The following ARHGAP35 variants were observed in gnomAD, a reference collection of about 807,000 sequenced individuals.
The protein encoded by ARHGAP35 is rho GTPase-activating protein 35.
A neutral mutation model predicts 111.1 loss-of-function variants in ARHGAP35; 15 were observed. The ratio of observed to expected loss-of-function variants is 0.13; its 90% CI spans 0.09 to 0.21. The LOEUF is 0.21. ARHGAP35 is among the 10% of genes least tolerant of loss of function. The probability of loss-of-function intolerance (pLI) is 1.00; values close to 1 mark genes in which losing one functional copy is unlikely to be tolerated. For missense variants in ARHGAP35, 1,262 were observed against 1,873.0 expected (o/e 0.67, Z 6.02); for synonymous variants, 643 against 710.3 (o/e 0.91, Z 1.51).
At chr19:46,862,504 CG>C (rs1015309723) in intron 1 of ARHGAP35, among the ~76,000 whole-genome samples, 12 of 152,074 alleles carry the variant, frequency 7.9e-5, no homozygotes, top group African/African-American at 2.9e-4. Context: ...TGATACCTCC[CG>C]GGCTGGTCAC....
chr19:46,942,174 G>A (rs370836028), intron 3 of ARHGAP35, among the ~76,000 whole-genome samples: 2 of 152,294 alleles, frequency 1.3e-5, no homozygotes, highest in African/African-American at 4.8e-5. Context: ...ACTGTGAAGA[G>A]GAACTCAAAG....
Position 46,888,810 on chromosome 19 carries a change from G to A in ARHGAP35, c.-189+27601G>A, listed in dbSNP as rs376373492. ...AGATCGAGACCATCCTGGCTAACAC[G>A]GTGAAACTCTGTCTCTACTAAAAAT... On this transcript the variant is annotated intron_variant, in intron 1 of 6. Transcript: ENST00000672722. Among the ~76,000 whole-genome samples the A allele has an allele frequency of 9.0e-5, 13 of 144,826 alleles. No homozygotes were observed. The East Asian group carries it at 1.2e-3, about 14-fold the overall frequency.
At chr19:46,874,810 CTTTTT>C (rs537873271) in intron 1 of ARHGAP35, among the ~76,000 whole-genome samples, 2 of 88,204 alleles carry the variant, frequency 2.3e-5, no homozygotes. Context: ...CAGTTTTGTC[CTTTTT>C]TTTTTTTTTT....
chr19:46,996,124 G>A (rs186249211), intron 5 of ARHGAP35, among the ~76,000 whole-genome samples: 30 of 152,194 alleles, frequency 2.0e-4, no homozygotes, highest in Non-Finnish European at 3.7e-4. Flanking sequence ...TTCTTTTTGA[G>A]ATGGAGTCTT....
chr19:46,996,547 G>A (rs541806663), intron 5 of ARHGAP35, among the ~76,000 whole-genome samples: 26 of 145,422 alleles, frequency 1.8e-4, no homozygotes, highest in African/African-American at 6.3e-4. Context: ...TGCCAGCCCC[G>A]TTTCCTGCCT....
chr19:46,979,255 C>T (rs1362413884), intron 3 of ARHGAP35, among the ~76,000 whole-genome samples: 1 of 152,080 alleles, frequency 6.6e-6, no homozygotes, highest in East Asian at 1.9e-4. Flanking sequence ...ACTGGGCCTG[C>T]GTGGGCATGC....
At chr19:46,981,289 A>C (rs1352808739) in intron 3 of ARHGAP35, among the ~76,000 whole-genome samples, 1 of 152,276 alleles carries the variant, frequency 6.6e-6, no homozygotes, top group Non-Finnish European at 1.5e-5. Flanking sequence ...AAAAGTCGAC[A>C]AAAGTTGTTA....
At chr19:46,941,580 AAGAG>A (rs1020136913) in intron 3 of ARHGAP35, among the ~76,000 whole-genome samples, 1 of 148,636 alleles carries the variant, frequency 6.7e-6, no homozygotes, top group Non-Finnish European at 1.5e-5. Flanking sequence ...TAAAAAACAA[AAGAG>A]AGAGAGAAAG....
At chr19:46,967,353 TC>T (rs1004377808) in intron 3 of ARHGAP35, among the ~76,000 whole-genome samples, 3 of 152,190 alleles carry the variant, frequency 2.0e-5, no homozygotes, top group African/African-American at 7.2e-5. Flanking sequence ...CAACAGCATG[TC>T]CTCCATGGGG....
In ARHGAP35 at chr19:46,988,238, C is replaced by G. The variant is rs1048166288; in HGVS notation, c.3904+172C>G. ...TGTGGCTGCAGCGGGGAGGAGGGGACCGGGTCCTGTCAGTGAACCGAAGCA... is the reference window on the plus strand; with the variant it reads ...TGTGGCTGCAGCGGGGAGGAGGGGAGCGGGTCCTGTCAGTGAACCGAAGCA... On this transcript the variant is annotated intron_variant, in intron 4 of 6. Coordinates refer to ENST00000672722, the MANE Select transcript of ARHGAP35 (RefSeq NM_004491.5). The surrounding 1 kb of genome is among the most constrained non-coding windows in gnomAD (Gnocchi z 5.4). The G allele has an allele frequency of 1.6e-6, 1 of 634,972 alleles. No homozygotes were observed. Among genetic ancestry groups the G allele is most frequent in the African/African-American group, 1.8e-5 (1 of 55,000 alleles). The allele number at this position is 634,972 out of a possible 1,614,324, so 39.3% of individuals were successfully genotyped here.
In ARHGAP35 at chr19:47,001,032, C is replaced by T. The variant is rs541220640; in HGVS notation, c.*344C>T. On this transcript the variant is annotated 3_prime_UTR_variant, in exon 7 of 7. Transcript: ENST00000672722. The surrounding 1 kb of genome is among the most constrained non-coding windows in gnomAD (Gnocchi z 5.4). ...CCTCTGCTTGTACAGAGCCCATGGT[C>T]GGGACAGTGCCCTGGCCTTTGCCGG... 2 of 1,412,242 alleles carry T rather than the reference C, an allele frequency of 1.4e-6. No individual in the cohort carries two copies. The highest frequency in any genetic ancestry group is 1.4e-5 in the African/African-American group (1 of 70,164). 87.5% of individuals were successfully genotyped at this position (1,412,242 alleles called of 1,614,324 possible).
chr19:46,923,121 T>C (rs1212656681), intron 2 of ARHGAP35, among the ~76,000 whole-genome samples: 4 of 150,604 alleles, frequency 2.7e-5, no homozygotes. Flanking sequence ...TTTTTTTTTT[T>C]TGAGACGGAG....
At chr19:46,889,092 G>A (rs1470740685) in intron 1 of ARHGAP35, among the ~76,000 whole-genome samples, 1 of 152,172 alleles carries the variant, frequency 6.6e-6, no homozygotes, top group Non-Finnish European at 1.5e-5. Context: ...GCCGAGGCAG[G>A]TGGATCACCC....
chr19:46,877,504 C>T (rs1199459217), intron 1 of ARHGAP35, among the ~76,000 whole-genome samples: 2 of 151,898 alleles, frequency 1.3e-5, no homozygotes, highest in Non-Finnish European at 2.9e-5. Context: ...GTGGAGGTTG[C>T]AGTGAGCCAT....
chr19:46,990,617 A>G (rs1485908473), intron 5 of ARHGAP35, among the ~76,000 whole-genome samples: 1 of 152,218 alleles, frequency 6.6e-6, no homozygotes, highest in Non-Finnish European at 1.5e-5. Flanking sequence ...CGTGTTCCTC[A>G]GGGGCAAGAC....
chr19:46,991,926 A>G (rs372663538), intron 5 of ARHGAP35, among the ~76,000 whole-genome samples: 1 of 152,242 alleles, frequency 6.6e-6, no homozygotes, highest in African/African-American at 2.4e-5. Flanking sequence ...CCTTGGAACC[A>G]GTTTCAAATC....
intron 2 of ARHGAP35, among the ~76,000 whole-genome samples, chr19:46,932,003 C>T (rs550271740): frequency 3.9e-5 from 6 of 152,214 alleles, no homozygotes; most frequent in African/African-American, 7.2e-5. Context: ...AAGAGGTGGC[C>T]GGGCACGGTG....
Position 46,986,225 on chromosome 19 carries a change from C to T in ARHGAP35, c.3827-1764C>T, listed in dbSNP as rs555693130. On this transcript the variant is annotated intron_variant, in intron 3 of 6. Transcript: ENST00000672722. The surrounding 1 kb of genome is among the most constrained non-coding windows in gnomAD (Gnocchi z 4.3). ...GATCTTGATGGCTCACAGTGGACTT[C>T]GTTCCCAGGACAGGGTGAGTGGACT... Among the ~76,000 whole-genome samples, 3 of 152,292 alleles carry T rather than the reference C, an allele frequency of 2.0e-5. No individual in the cohort carries two copies. Among genetic ancestry groups the T allele is most frequent in the African/African-American group, 7.2e-5 (3 of 41,560 alleles).
At chr19:46,909,087 C>G (rs962909935) in intron 1 of ARHGAP35, among the ~76,000 whole-genome samples, 2 of 152,100 alleles carry the variant, frequency 1.3e-5, no homozygotes, top group South Asian at 2.1e-4. Context: ...ATCGCTTGAG[C>G]ACAGAAGTTC....
Sources: allele counts gnomAD v4.1 joint callset (sites outside exome capture counted in the v4.1 genomes callset), GRCh38; gene constraint gnomAD v4.1.1; non-coding constraint Gnocchi (gnomAD v3.1); transcripts MANE v1.5; gene names NCBI Gene and HGNC (gene_info 2026-07-23, HGNC 2026-07-21).